Variants in DSCAML1 observed in about 807,000 individuals in gnomAD.
DSCAML1 encodes the protein cell adhesion molecule DSCAML1.
A neutral mutation model predicts 200.5 loss-of-function variants in DSCAML1; 38 were observed. That is an observed-to-expected ratio of 0.19 (90% CI 0.15 to 0.25). The LOEUF is 0.25. Among genes scored for constraint, DSCAML1 ranks in the 10% least tolerant of loss-of-function variants. DSCAML1 has a pLI of 1.00. For synonymous variants in DSCAML1, 1,215 were observed against 1,165.0 expected (o/e 1.04, Z -0.87); for missense variants, 2,223 against 2,858.8 (o/e 0.78, Z 5.07).
intron 3 of DSCAML1, among the ~76,000 whole-genome samples, 182 bp from the exon 4 acceptor site, chr11:117,532,704 G>A (rs758518754): frequency 3.3e-5 from 5 of 152,176 alleles, no homozygotes; most frequent in Non-Finnish European, 5.9e-5. Flanking sequence ...GGGCTTTAGA[G>A]TTAGACTGAG....
At chr11:117,618,087 AGGACAATTGCCTAG>A (rs1480108266) in intron 3 of DSCAML1, among the ~76,000 whole-genome samples, 1 of 152,256 alleles carries the variant, frequency 6.6e-6, no homozygotes, top group Non-Finnish European at 1.5e-5. Context: ...TCATTCAAAA[AGGACAATTGCCTAG>A]GGACATGAAA....
intron 3 of DSCAML1, among the ~76,000 whole-genome samples, chr11:117,720,084 G>A (rs1051234906): frequency 4.6e-4 from 70 of 151,912 alleles, no homozygotes; most frequent in African/African-American, 9.7e-4. Flanking sequence ...GGATCTCTCC[G>A]TGGAAGCTGG....
chr11:117,576,896 G>A (rs2050942185), intron 3 of DSCAML1, among the ~76,000 whole-genome samples: 1 of 152,162 alleles, frequency 6.6e-6, no homozygotes, highest in Non-Finnish European at 1.5e-5. Context: ...GCCTTCGAAG[G>A]CTTATTACCA....
upstream of DSCAML1, among the ~76,000 whole-genome samples, chr11:117,798,949 G>A (rs752485365): frequency 2.6e-5 from 4 of 152,160 alleles, no homozygotes; most frequent in African/African-American, 4.8e-5. Flanking sequence ...GAGGTGTTTT[G>A]TCATCTGGAA....
At chr11:117,526,770 C>T (rs1008036223) in intron 4 of DSCAML1, among the ~76,000 whole-genome samples, 1 of 152,176 alleles carries the variant, frequency 6.6e-6, no homozygotes, top group African/African-American at 2.4e-5. Context: ...CCCGCCTCGG[C>T]TTCCCAAAGT....
chr11:117,480,427 C>T lies in DSCAML1; in HGVS notation c.2785+16G>A, dbSNP rs1390365934. The T allele has an allele frequency of 1.2e-6, 2 of 1,612,864 alleles. No homozygotes were observed. Among genetic ancestry groups the T allele is most frequent in the African/African-American group, 2.7e-5 (2 of 74,930 alleles). On this transcript the variant is annotated intron_variant, in intron 14 of 32. Coordinates refer to ENST00000651296, the MANE Select transcript of DSCAML1 (RefSeq NM_020693.4). This position sits in a 1 kb window ranked among gnomAD's most constrained non-coding sequence, Gnocchi z 4.1. ...CATGGCAGGCCACGCTGTCACCCTCCTGGCCCAGCGCCTACCTGATTTGTT... is the reference window on the plus strand; with the variant it reads ...CATGGCAGGCCACGCTGTCACCCTCTTGGCCCAGCGCCTACCTGATTTGTT...
chr11:117,574,795 T>C (rs1003226412), intron 3 of DSCAML1, among the ~76,000 whole-genome samples: 3 of 152,148 alleles, frequency 2.0e-5, no homozygotes, highest in African/African-American at 7.2e-5. Flanking sequence ...AAGCAGCATG[T>C]GCAAAGAGCA....
intron 14 of DSCAML1, among the ~76,000 whole-genome samples, chr11:117,476,825 T>C (rs777399058): frequency 1.3e-4 from 20 of 152,148 alleles, no homozygotes; most frequent in Non-Finnish European, 2.2e-4. Flanking sequence ...ATGAGCAACA[T>C]GGCAGAAATC....
chr11:117,452,932 T>G (rs981588829), intron 19 of DSCAML1, among the ~76,000 whole-genome samples: 8 of 152,186 alleles, frequency 5.3e-5, no homozygotes, highest in Non-Finnish European at 1.0e-4. Flanking sequence ...TTATTTCACT[T>G]TATTTTCATT....
At chr11:117,718,393 C>G (rs1025037208) in intron 3 of DSCAML1, among the ~76,000 whole-genome samples, 2 of 152,170 alleles carry the variant, frequency 1.3e-5, no homozygotes, top group African/African-American at 4.8e-5. Context: ...TGATGTGTGC[C>G]GGGAACAAAC....
In DSCAML1 at chr11:117,437,817, AC is replaced by A; in HGVS notation, c.4432+77del. ...CCTCCTTCCCCACCCCAGCCACCTT[AC>A]ACCCCATACCTGGCCCCTCTAGCCC... On this transcript the variant is annotated intron_variant, in intron 25 of 32. Coordinates refer to ENST00000651296, the MANE Select transcript of DSCAML1 (RefSeq NM_020693.4). This position sits in a 1 kb window ranked among gnomAD's most constrained non-coding sequence, Gnocchi z 5.3. The A allele has an allele frequency of 7.0e-7, 1 of 1,429,996 alleles. No homozygotes were observed. The highest frequency in any genetic ancestry group is 9.3e-7 in the Non-Finnish European group (1 of 1,080,620). 88.6% of individuals were successfully genotyped at this position (1,429,996 alleles called of 1,614,324 possible).
chr11:117,556,450 T>C (rs890958465), intron 3 of DSCAML1, among the ~76,000 whole-genome samples: 1 of 152,148 alleles, frequency 6.6e-6, no homozygotes, highest in East Asian at 1.9e-4. Flanking sequence ...AGAAAGAAAC[T>C]GGAGACCCTT....
chr11:117,460,200 A>G (rs1482107142), intron 18 of DSCAML1, among the ~76,000 whole-genome samples: 1 of 152,382 alleles, frequency 6.6e-6, no homozygotes, highest in East Asian at 1.9e-4. Context: ...ATATGAATGT[A>G]GTGAGGTCAC....
At chr11:117,540,513 C>T (rs2050247992) in intron 3 of DSCAML1, among the ~76,000 whole-genome samples, 1 of 151,732 alleles carries the variant, frequency 6.6e-6, no homozygotes, top group Non-Finnish European at 1.5e-5. Context: ...CATGACTGAA[C>T]TTAACCCTTA....
rs529485726 is a variant in DSCAML1 at position 117,804,668 on chromosome 11, C to T, written c.-250+12722G>A. 2.6e-5 allele frequency among the ~76,000 whole-genome samples: 4 copies of T among 152,302 alleles called. No homozygotes were observed. In the East Asian group the frequency reaches 7.7e-4, roughly 29 times the overall value. On this transcript the variant is annotated intron_variant, in intron 1 of 2. Transcript: ENST00000525836. ...TATCTCGTCCGGGCATGGTGGCTCA[C>T]GCCTGTAATCCCAGCACTTCGAGAG...
At chr11:117,745,990 G>A (rs2054511545) in intron 3 of DSCAML1, among the ~76,000 whole-genome samples, 1 of 151,886 alleles carries the variant, frequency 6.6e-6, no homozygotes, top group Admixed American at 6.6e-5. Flanking sequence ...GGAGGCAGGT[G>A]GATCATGAGG....
chr11:117,580,351 C>T (rs555456352), intron 3 of DSCAML1, among the ~76,000 whole-genome samples: 10 of 152,334 alleles, frequency 6.6e-5, no homozygotes, highest in East Asian at 1.9e-4. Context: ...CAAGCTTTAG[C>T]TCTAAGGGGC....
chr11:117,796,977 A>T lies in DSCAML1; in HGVS notation c.46+57T>A, dbSNP rs1460710057. 8 of 1,230,760 alleles carry T rather than the reference A, an allele frequency of 6.5e-6. No individual in the cohort carries two copies. The African/African-American group carries it at 1.1e-4, about 17-fold the overall frequency. 76.2% of individuals were successfully genotyped at this position (1,230,760 alleles called of 1,614,324 possible). A position where few individuals can be genotyped will look rare whatever the true frequency, so the allele number is the denominator to read the frequency against. ...CCGCCGGGCACCCCGCCTCGCCGCC[A>T]GCCGCGCCACCCTGGCCCCGCCGCC... On this transcript the variant is annotated intron_variant, in intron 1 of 32. Transcript: ENST00000651296.
intron 3 of DSCAML1, among the ~76,000 whole-genome samples, chr11:117,715,507 G>A (rs879297221): frequency 3.3e-5 from 5 of 152,146 alleles, no homozygotes; most frequent in Non-Finnish European, 7.3e-5. Context: ...AACTGTGCTC[G>A]GCACTGGGGA....
Sources: gnomAD v4.1 joint callset for allele counts (sites outside exome capture counted in the v4.1 genomes callset) on GRCh38, gnomAD v4.1.1 for gene constraint, Gnocchi (gnomAD v3.1) non-coding constraint, MANE v1.5 for transcripts, NCBI Gene and HGNC (gene_info 2026-07-23, HGNC 2026-07-21) for gene names.